The following FGF12 variants were observed in gnomAD, a reference collection of about 807,000 sequenced individuals.
FGF12 encodes the protein fibroblast growth factor 12B.
A neutral mutation model predicts 23.6 loss-of-function variants in FGF12; 14 were observed. The ratio of observed to expected loss-of-function variants is 0.59; its 90% CI spans 0.39 to 0.93. FGF12 has a LOEUF of 0.93. Ranked by LOEUF, FGF12 falls within the 40% of genes least tolerant of loss-of-function variation. FGF12 has a pLI of 0.00. For synonymous variants in FGF12, 62 were observed against 77.3 expected (o/e 0.80, Z 1.04); for missense variants, 175 against 217.8 (o/e 0.80, Z 1.24).
At position 192,414,845 on chromosome 3, in the gene FGF12, G is replaced by A. The variant is rs184571361; in HGVS notation, c.14-54307C>T. On this transcript the variant is annotated intron_variant, in intron 2 of 5. Transcript: ENST00000445105. ...ACCTTGAAGAGATCATTTTGTGTTG[G>A]AAGGGAGAGGAAACAAGTATCCCCA... 5.2e-3 allele frequency among the ~76,000 whole-genome samples: 790 copies of A among 152,218 alleles called. 4 individuals carry two copies. The highest frequency in any genetic ancestry group is 6.0e-3 in the Non-Finnish European group (409 of 67,988).
chr3:192,227,868 T>A (rs1718822066), intron 4 of FGF12, among the ~76,000 whole-genome samples: 1 of 152,142 alleles, frequency 6.6e-6, no homozygotes, highest in African/African-American at 2.4e-5. Context: ...CTGCAAATAG[T>A]TGAAGCAAGG....
intron 4 of FGF12, among the ~76,000 whole-genome samples, chr3:192,183,648 T>C (rs1193265243): frequency 6.6e-6 from 1 of 152,224 alleles, no homozygotes; most frequent in African/African-American, 2.4e-5. Flanking sequence ...TTGTTTAATT[T>C]CATAAAAGGT....
intron 4 of FGF12, among the ~76,000 whole-genome samples, chr3:192,250,821 G>C (rs1261066556): frequency 6.6e-6 from 1 of 151,928 alleles, no homozygotes; most frequent in Non-Finnish European, 1.5e-5. Context: ...TAGAAAGGAA[G>C]GATCCAACTC....
At chr3:192,637,951 G>A (rs1192309196) in intron 2 of FGF12, among the ~76,000 whole-genome samples, 1 of 152,170 alleles carries the variant, frequency 6.6e-6, no homozygotes, top group Non-Finnish European at 1.5e-5. Flanking sequence ...AAGGGGAAAA[G>A]CTGAGTCTCT....
chr3:192,647,459 T>A (rs1716046047), intron 2 of FGF12, among the ~76,000 whole-genome samples: 1 of 152,040 alleles, frequency 6.6e-6, no homozygotes, highest in Non-Finnish European at 1.5e-5. Context: ...TTTAAAATTT[T>A]ATTATATTTC....
chr3:192,727,138 C>G (rs1472577675), intron 2 of FGF12, 43 bp downstream of exon 2: 1 of 1,565,718 alleles, frequency 6.4e-7, no homozygotes, highest in Non-Finnish European at 8.7e-7. Flanking sequence ...CTTGGCCACA[C>G]GCACATGCAG....
At chr3:192,684,169 A>G (rs1717646507) in intron 2 of FGF12, among the ~76,000 whole-genome samples, 1 of 152,182 alleles carries the variant, frequency 6.6e-6, no homozygotes, top group Non-Finnish European at 1.5e-5. Flanking sequence ...CAACCCTTCC[A>G]GGTAATTCTG....
chr3:192,286,889 A>G (rs1714476902), intron 4 of FGF12, among the ~76,000 whole-genome samples: 1 of 152,076 alleles, frequency 6.6e-6, no homozygotes, highest in Non-Finnish European at 1.5e-5. Context: ...TACAATGTAC[A>G]GAAGTGTTGC....
intron 2 of FGF12, among the ~76,000 whole-genome samples, chr3:192,439,799 A>G (rs1722143841): frequency 6.6e-6 from 1 of 151,702 alleles, no homozygotes; most frequent in Admixed American, 6.6e-5. Context: ...AGATGGTGAA[A>G]CCCCGTCTCT....
rs1307949377 is a variant in FGF12 at position 192,408,480 on chromosome 3, C to T, written c.14-47942G>A. The T allele has an allele frequency of 3.0e-6, 4 of 1,328,440 alleles. No homozygotes were observed. Among genetic ancestry groups the T allele is most frequent in the South Asian group, 3.9e-5 (2 of 51,172 alleles). The allele number at this position is 1,328,440 out of a possible 1,614,324, so 82.3% of individuals were successfully genotyped here. On this transcript the variant is annotated intron_variant, in intron 2 of 5. Transcript: ENST00000445105. This position sits in a 1 kb window ranked among gnomAD's most constrained non-coding sequence, Gnocchi z 7.3. ...CGGCCGGGGGGCGGGGCGGGGCGGT[C>T]CCAGGCCCTCTTGCGAAGTAGACGT...
intron 2 of FGF12, among the ~76,000 whole-genome samples, chr3:192,597,427 T>C (rs1413143858): frequency 6.6e-6 from 1 of 152,186 alleles, no homozygotes; most frequent in Admixed American, 6.5e-5. Context: ...TTTAAATGAA[T>C]GTCAGGTGCA....
At chr3:192,719,612 G>C (rs1311607355) in intron 2 of FGF12, among the ~76,000 whole-genome samples, 1 of 151,962 alleles carries the variant, frequency 6.6e-6, no homozygotes, top group Non-Finnish European at 1.5e-5. Context: ...TGCTAGAAAT[G>C]TTGAACATGT....
intron 2 of FGF12, among the ~76,000 whole-genome samples, chr3:192,426,755 G>A (rs1721699034): frequency 6.6e-6 from 1 of 152,172 alleles, no homozygotes; most frequent in African/African-American, 2.4e-5. Context: ...GTTTGAAAGA[G>A]AGACACTTAC....
At chr3:192,407,688 A>G (rs573352396) in intron 2 of FGF12, among the ~76,000 whole-genome samples, 1 of 147,642 alleles carries the variant, frequency 6.8e-6, no homozygotes, top group Non-Finnish European at 1.5e-5. Flanking sequence ...TGGATGGGAG[A>G]GCGGGAGAGA....
chr3:192,408,384 A>G lies in FGF12; in HGVS notation c.14-47846T>C. 5 of 1,419,678 alleles carry G rather than the reference A, an allele frequency of 3.5e-6. No individual in the cohort carries two copies. The highest frequency in any genetic ancestry group is 3.7e-6 in the Non-Finnish European group (4 of 1,091,168). The allele number at this position is 1,419,678 out of a possible 1,614,324, so 87.9% of individuals were successfully genotyped here. On this transcript the variant is annotated intron_variant, in intron 2 of 5. Transcript: ENST00000445105. The surrounding 1 kb of genome is among the most constrained non-coding windows in gnomAD (Gnocchi z 7.3). ...CAGTATCGAAAACCCGGCGCTCACA[A>G]GGTTAGTCAAAGTCTGGGCAGTGGC... is the stretch of plus-strand genomic sequence containing the variant.
At position 192,158,338 on chromosome 3, in the gene FGF12, C is replaced by CTT. The variant is rs1357785568; in HGVS notation, c.427+12118_427+12119dup. 9.3e-3 allele frequency among the ~76,000 whole-genome samples: 640 copies of CTT among 69,152 alleles called. 11 individuals are homozygous for CTT. The highest frequency in any genetic ancestry group is 0.031 in the African/African-American group (603 of 19,656). 45.4% of individuals were successfully genotyped at this position (69,152 alleles called of 152,430 possible). A position where few individuals can be genotyped will look rare whatever the true frequency, so the allele number is the denominator to read the frequency against. ...TCTCTTTCTTTCTTTCTTTCTCTTT[C>CTT]TTTCTTTCTTTCTTTCTTTCTTTCT... is the stretch of plus-strand genomic sequence containing the variant. On this transcript the variant is annotated intron_variant, in intron 5 of 5. Coordinates refer to ENST00000445105, the MANE Select transcript of FGF12 (RefSeq NM_004113.6).
At chr3:192,566,985 C>A (rs1318015077) in intron 2 of FGF12, among the ~76,000 whole-genome samples, 3 of 152,140 alleles carry the variant, frequency 2.0e-5, no homozygotes, top group Non-Finnish European at 4.4e-5. Context: ...TATTAGTCAG[C>A]AGCTGTAATG....
At chr3:192,530,518 C>T (rs1235245456) in intron 2 of FGF12, among the ~76,000 whole-genome samples, 1 of 152,094 alleles carries the variant, frequency 6.6e-6, no homozygotes, top group Non-Finnish European at 1.5e-5. Context: ...AGCAATATTG[C>T]TCATTTGTTA....
intron 2 of FGF12, among the ~76,000 whole-genome samples, chr3:192,599,269 A>AATAATAATTATAATT (rs1553837298): frequency 7.4e-5 from 11 of 148,078 alleles, no homozygotes; most frequent in South Asian, 4.2e-4. Context: ...TAATAATAAT[A>AATAATAATTATAATT]ATAATAATAA....
Sources: gnomAD v4.1 joint callset for allele counts (sites outside exome capture counted in the v4.1 genomes callset) on GRCh38, gnomAD v4.1.1 for gene constraint, Gnocchi (gnomAD v3.1) non-coding constraint, MANE v1.5 for transcripts, NCBI Gene and HGNC (gene_info 2026-07-23, HGNC 2026-07-21) for gene names.